The following BCAT2 variants were observed in gnomAD, a reference collection of about 807,000 sequenced individuals.
BCAT2 encodes branched chain amino acid transaminase 2, also known as branched-chain-amino-acid aminotransferase, mitochondrial.
A neutral mutation model predicts 52.9 loss-of-function variants in BCAT2; 44 were observed. The observed-to-expected ratio is 0.83, with a 90% CI of 0.65 to 1.07. The LOEUF (loss-of-function observed/expected upper bound fraction) is 1.07, where lower values mean the gene tolerates loss of function less well. BCAT2 is among the 50% of genes least tolerant of loss of function. BCAT2 has a pLI of 0.00. For synonymous variants in BCAT2, 215 were observed against 217.1 expected (o/e 0.99, Z 0.08); for missense variants, 478 against 521.8 (o/e 0.92, Z 0.82).
intron 1 of BCAT2, among the ~76,000 whole-genome samples, chr19:48,808,891 T>C (rs977829300): frequency 2.0e-5 from 3 of 151,250 alleles, no homozygotes; most frequent in African/African-American, 7.3e-5. Context: ...CTGGGCAATA[T>C]AGCAAGACCC....
In BCAT2 at chr19:48,800,004, G is replaced by C. The variant is rs1436813338; in HGVS notation, c.508C>G (p.Arg170Gly). 6.2e-7 allele frequency: 1 copy of C among 1,613,854 alleles called. No individual in the cohort carries two copies. The highest frequency in any genetic ancestry group is 1.1e-5 in the South Asian group (1 of 91,070). ...PDAAGTSLYV[R>G]PVLIGNEPSL... ...ACCTCGTTCCCAATGAGCACAGGCC[G>C]CACATAGAGGCTGGTGCCGGCGGCA... The change falls in exon 5 of 11, where the codon CGG (arginine) becomes GGG (glycine). Residue 170 changes from arginine to glycine, a missense_variant. By Grantham distance (125) the Arg-to-Gly change is moderately radical (BLOSUM62 -2). Transcript: ENST00000316273.
In BCAT2 at chr19:48,797,148, C is replaced by T. The variant is rs1454848657; in HGVS notation, c.838+43G>A. On this transcript the variant is annotated intron_variant, in intron 7 of 10. Coordinates refer to ENST00000316273, the MANE Select transcript of BCAT2 (RefSeq NM_001190.4). ...TAACCTGCCAGGAATGATGGTGCCA[C>T]CCACTTCCACCAGGGTTCGGGCTGG... The T allele has an allele frequency of 1.9e-6, 3 of 1,610,754 alleles. No homozygotes were observed. The South Asian group carries it at 3.3e-5, about 18-fold the overall frequency.
At chr19:48,804,681 C>G (rs768565545) in intron 3 of BCAT2, among the ~76,000 whole-genome samples, 1 of 152,176 alleles carries the variant, frequency 6.6e-6, no homozygotes, top group Admixed American at 6.5e-5. Flanking sequence ...CCCCTGGACC[C>G]GCGGGATCAC....
chr19:48,802,859 C>A (rs374986526), intron 3 of BCAT2, among the ~76,000 whole-genome samples: 3 of 152,230 alleles, frequency 2.0e-5, no homozygotes, highest in Admixed American at 6.5e-5. Flanking sequence ...CAGCATGAGG[C>A]TGCAAGAAAG....
Position 48,807,740 on chromosome 19 carries a change from A to G in BCAT2, c.25-666T>C. On this transcript the variant is annotated intron_variant, in intron 1 of 10. Transcript: ENST00000316273. The surrounding 1 kb of genome is among the most constrained non-coding windows in gnomAD (Gnocchi z 4.6). Reference sequence around the variant, plus strand: ...CTTATTCTCTGAAGGTATTCGATCAACTGGGCTCTGATTACCTGAAATACA... The same window carrying G: ...CTTATTCTCTGAAGGTATTCGATCAGCTGGGCTCTGATTACCTGAAATACA... 2 of 986,476 alleles carry G rather than the reference A, an allele frequency of 2.0e-6. No homozygotes were observed. The highest frequency in any genetic ancestry group is 2.4e-6 in the Non-Finnish European group (2 of 830,098). 61.1% of individuals were successfully genotyped at this position (986,476 alleles called of 1,614,324 possible). A position where few individuals can be genotyped will look rare whatever the true frequency, so the allele number is the denominator to read the frequency against.
chr19:48,799,559 G>T lies in BCAT2; in HGVS notation c.695+116C>A. The stretch of plus-strand genomic sequence containing the variant: ...CACTTAGCACTGAGCCCTGCACGGT[G>T]CTGATGATGTCACCTTCATGTGACA... On this transcript the variant is annotated intron_variant, in intron 6 of 10. Transcript: ENST00000316273. This position sits in a 1 kb window ranked among gnomAD's most constrained non-coding sequence, Gnocchi z 5.5. The T allele has an allele frequency of 7.6e-7, 1 of 1,320,486 alleles. No homozygotes were observed. The highest frequency in any genetic ancestry group is 1.0e-6 in the Non-Finnish European group (1 of 986,954). The allele number at this position is 1,320,486 out of a possible 1,614,324, so 81.8% of individuals were successfully genotyped here.
rs1202147664 is a variant in BCAT2 at position 48,810,982 on chromosome 19, A to C, written c.24+2T>G. ...GACCCCGGCGCGGGGCTGCGAACCC[A>C]CCTGCCCCAGAGCGGCTGCGGCCAT... is the stretch of plus-strand genomic sequence containing the variant. On this transcript the variant is annotated splice_donor_variant, in intron 1 of 10. Transcript: ENST00000316273. LOFTEE classifies it high-confidence loss of function. 1 of 1,607,276 alleles carries C rather than the reference A, an allele frequency of 6.2e-7. No individual in the cohort carries two copies. Among genetic ancestry groups the C allele is most frequent in the Non-Finnish European group, 8.5e-7 (1 of 1,177,806 alleles).
Position 48,799,951 on chromosome 19 carries a change from C to T in BCAT2, c.531+30G>A. 6.2e-7 allele frequency: 1 copy of T among 1,611,124 alleles called. No individual in the cohort carries two copies. The highest frequency in any genetic ancestry group is 8.5e-7 in the Non-Finnish European group (1 of 1,178,068). ...CCCTGCAGAATCCAACCCCCGCAGC[C>T]CAGCTTCCCAGCCCTGGAGTTGGGC... On this transcript the variant is annotated intron_variant, in intron 5 of 10. Transcript: ENST00000316273. This position sits in a 1 kb window ranked among gnomAD's most constrained non-coding sequence, Gnocchi z 5.5.
At position 48,796,621 on chromosome 19, in the gene BCAT2, G is replaced by T. The variant is rs1413231768; in HGVS notation, c.1022C>A (p.Ala341Asp). 10 of 1,613,750 alleles carry T rather than the reference G, an allele frequency of 6.2e-6. No individual in the cohort carries two copies. Among genetic ancestry groups the T allele is most frequent in the Non-Finnish European group, 8.5e-6 (10 of 1,180,022 alleles). Residue 341 changes from alanine (A) to aspartate (D), a missense_variant, in exon 9 of 11, where the codon GCT becomes GAT. By Grantham distance (126) the Ala-to-Asp change is moderately radical. Transcript: ENST00000316273. ...RVREVFGSGTACQVCPVHRIL... is the reference protein window; with the variant it reads ...RVREVFGSGTDCQVCPVHRIL... Reference sequence around the variant, plus strand: ...TCGGTGCACTGGGCAGACCTGGCAAGCGGTGCCCGAGCCAAAGACTTCCCG... The same window carrying T: ...TCGGTGCACTGGGCAGACCTGGCAATCGGTGCCCGAGCCAAAGACTTCCCG...
Position 48,806,503 on chromosome 19 carries a change from G to A in BCAT2, c.300+14C>T, listed in dbSNP as rs371062417. The stretch of plus-strand genomic sequence containing the variant: ...GCAGACAGGGACAGGGAGAGAGGCC[G>A]GCCGCCATGCCACCTGCAGGGAGTA... On this transcript the variant is annotated intron_variant, in intron 3 of 10. Transcript: ENST00000316273. 1.1e-4 allele frequency: 182 copies of A among 1,613,128 alleles called. No homozygotes were observed. The highest frequency in any genetic ancestry group is 3.3e-4 in the African/African-American group (25 of 74,904).
Position 48,799,946 on chromosome 19 carries a change from G to A in BCAT2, c.531+35C>T, listed in dbSNP as rs753566808. ...CCCTGCCCTGCAGAATCCAACCCCCGCAGCCCAGCTTCCCAGCCCTGGAGT... is the reference window on the plus strand; with the variant it reads ...CCCTGCCCTGCAGAATCCAACCCCCACAGCCCAGCTTCCCAGCCCTGGAGT... On this transcript the variant is annotated intron_variant, in intron 5 of 10. Transcript: ENST00000316273. This position sits in a 1 kb window ranked among gnomAD's most constrained non-coding sequence, Gnocchi z 5.5. The A allele has an allele frequency of 3.1e-6, 5 of 1,609,602 alleles. No homozygotes were observed. Among genetic ancestry groups the A allele is most frequent in the Middle Eastern group, 1.7e-4 (1 of 6,058 alleles).
At chr19:48,810,728 A>C (rs1365131142) in intron 1 of BCAT2, 163 of 865,392 alleles carry the variant, frequency 1.9e-4, no homozygotes, top group South Asian at 4.1e-4. Context: ...GTCCTCCACC[A>C]TGTTTCCCTT....
In BCAT2 at chr19:48,796,565, A is replaced by G; in HGVS notation, c.1065+13T>C. ...CTCCTTCCCTCCCACCCACAATGGC[A>G]GCCCCGCCTCACCCTGTCTTTGTAC... On this transcript the variant is annotated intron_variant, in intron 9 of 10. Coordinates refer to ENST00000316273, the MANE Select transcript of BCAT2 (RefSeq NM_001190.4). The G allele has an allele frequency of 6.2e-7, 1 of 1,610,838 alleles. No homozygotes were observed. Among genetic ancestry groups the G allele is most frequent in the Non-Finnish European group, 8.5e-7 (1 of 1,178,926 alleles).
intron 1 of BCAT2, among the ~76,000 whole-genome samples, chr19:48,810,636 C>T (rs1364414108): frequency 6.6e-6 from 1 of 152,036 alleles, no homozygotes; most frequent in African/African-American, 2.4e-5. Context: ...CCAGCTCCCG[C>T]ACAGGCTGAT....
At chr19:48,797,527 T>C in intron 6 of BCAT2, 194 bp from the exon 7 acceptor site, 1 of 623,414 alleles carries the variant, frequency 1.6e-6, no homozygotes, top group Non-Finnish European at 2.8e-6. Context: ...CCCTCTCTCC[T>C]GTCTCTTCCC....
chr19:48,796,841 A>G, intron 8 of BCAT2, 96 bp downstream of exon 8: 1 of 1,593,008 alleles, frequency 6.3e-7, no homozygotes, highest in Non-Finnish European at 8.6e-7. Context: ...ACCCAGGAGA[A>G]GGGGCAGAGA....
intron 8 of BCAT2, 37 bp downstream of exon 8, chr19:48,796,900 A>AC: frequency 6.2e-7 from 1 of 1,610,740 alleles, no homozygotes; most frequent in Non-Finnish European, 8.5e-7. Context: ...GGCCCCTGGC[A>AC]CATGGCGCCC....
At chr19:48,800,966 A>G (rs538736738) in intron 3 of BCAT2, among the ~76,000 whole-genome samples, 11 of 128,544 alleles carry the variant, frequency 8.6e-5, no homozygotes, top group African/African-American at 3.5e-4. Flanking sequence ...AGCGCTTGGC[A>G]CAGAGTGTTT....
Position 48,796,707 on chromosome 19 carries a change from C to A in BCAT2, c.936G>T (p.Arg312=). 1 of 1,611,718 alleles carries A rather than the reference C, an allele frequency of 6.2e-7. No homozygotes were observed. Among genetic ancestry groups the A allele is most frequent in the Non-Finnish European group, 8.5e-7 (1 of 1,179,460 alleles). The change falls in exon 9 of 11, where the codon CGG becomes CGT. Residue 312 remains arginine (R), a synonymous_variant. Coordinates refer to ENST00000316273, the MANE Select transcript of BCAT2 (RefSeq NM_001190.4). ...LDMAQTWGEF[R]VVERTITMKQ... ...TCATGGTGATCGTGCGCTCCACCAC[C>A]CGGAACTCACCCTGCAGGGCAGTTG...
Sources: allele counts gnomAD v4.1 joint callset (sites outside exome capture counted in the v4.1 genomes callset), GRCh38; gene constraint gnomAD v4.1.1; non-coding constraint Gnocchi (gnomAD v3.1); transcripts MANE v1.5; gene names NCBI Gene and HGNC (gene_info 2026-07-23, HGNC 2026-07-21).